Variants in CADPS observed in about 807,000 individuals in gnomAD.
The protein encoded by CADPS is calcium dependent secretion activator.
In CADPS, 57 loss-of-function variants were observed where a neutral mutation model predicts 167.3. That is an observed-to-expected ratio of 0.34 (90% CI 0.28 to 0.42). The LOEUF (loss-of-function observed/expected upper bound fraction) is 0.42. Among genes scored for constraint, CADPS ranks in the 20% least tolerant of loss-of-function variants. CADPS has a pLI of 1.00. For synonymous variants in CADPS, 676 were observed against 635.3 expected, an observed-to-expected ratio of 1.06 and a Z score of -0.96; for missense variants, 1,414 against 1,738.1, an observed-to-expected ratio of 0.81 and a Z score of 3.32.
At chr3:62,825,243 G>A (rs961911595) in intron 1 of CADPS, among the ~76,000 whole-genome samples, 5 of 152,102 alleles carry the variant, frequency 3.3e-5, no homozygotes, top group Non-Finnish European at 5.9e-5. Context: ...AGGGGAACTA[G>A]CTTCCCTTGG....
intron 3 of CADPS, among the ~76,000 whole-genome samples, chr3:62,743,286 G>A (rs1257017554): frequency 6.6e-6 from 1 of 152,082 alleles, no homozygotes; most frequent in Non-Finnish European, 1.5e-5. Flanking sequence ...AGTCAAATAC[G>A]CCAGCTGCCT....
chr3:62,859,131 T>C (rs1023709646), intron 1 of CADPS, among the ~76,000 whole-genome samples: 8 of 152,136 alleles, frequency 5.3e-5, no homozygotes, highest in Non-Finnish European at 8.8e-5. Context: ...ATGTTCTGCA[T>C]CACAAATCTC....
intron 2 of CADPS, among the ~76,000 whole-genome samples, chr3:62,760,512 C>A (rs1005204396): frequency 7.9e-5 from 12 of 152,120 alleles, no homozygotes; most frequent in African/African-American, 2.7e-4. Context: ...TCCTCAGCCT[C>A]ATAAAGTACT....
intron 17 of CADPS, among the ~76,000 whole-genome samples, chr3:62,511,158 G>A (rs1435144879): frequency 6.6e-6 from 1 of 152,120 alleles, no homozygotes; most frequent in Non-Finnish European, 1.5e-5. Flanking sequence ...TGCATGCCAA[G>A]GTTGGCATGA....
chr3:62,432,840 T>G (rs146408076), intron 28 of CADPS, among the ~76,000 whole-genome samples: 1 of 152,282 alleles, frequency 6.6e-6, no homozygotes, highest in East Asian at 1.9e-4. Flanking sequence ...CACTGCACAG[T>G]AAGTCCCATT....
chr3:62,645,679 C>T (rs1414690004), intron 6 of CADPS, 43 bp downstream of exon 6: 10 of 1,607,816 alleles, frequency 6.2e-6, no homozygotes, highest in Non-Finnish European at 8.5e-6. Context: ...GAACTAATGG[C>T]AGCAACCCTC....
chr3:62,583,194 C>T (rs916121031), intron 8 of CADPS, among the ~76,000 whole-genome samples: 6 of 93,964 alleles, frequency 6.4e-5, no homozygotes, highest in African/African-American at 1.8e-4. Context: ...TCTCTTTCTA[C>T]GTCTGTTCTG....
chr3:62,532,068 C>T (rs1020434563), intron 13 of CADPS, among the ~76,000 whole-genome samples: 1 of 152,174 alleles, frequency 6.6e-6, no homozygotes, highest in Non-Finnish European at 1.5e-5. Flanking sequence ...ATCATCTTTG[C>T]CTTCCAGCTT....
At chr3:62,483,762 CTCTTAG>C (rs2062380348) in intron 21 of CADPS, among the ~76,000 whole-genome samples, 2 of 152,212 alleles carry the variant, frequency 1.3e-5, no homozygotes, top group East Asian at 3.9e-4. Context: ...TCCCTGGTGG[CTCTTAG>C]TCTTAAACAC....
chr3:62,863,912 G>T (rs1453155120), intron 1 of CADPS, among the ~76,000 whole-genome samples: 1 of 152,174 alleles, frequency 6.6e-6, no homozygotes, highest in East Asian at 1.9e-4. Context: ...TGGATGAGAA[G>T]AAAAATTGTA....
intron 1 of CADPS, among the ~76,000 whole-genome samples, chr3:62,797,430 C>T (rs1170763963): frequency 6.6e-6 from 1 of 152,134 alleles, no homozygotes; most frequent in Non-Finnish European, 1.5e-5. Flanking sequence ...TCAACTCTCA[C>T]TCCACTTCAT....
At chr3:62,532,751 A>T in intron 13 of CADPS, 120 bp downstream of exon 13, 1 of 605,120 alleles carries the variant, frequency 1.7e-6, no homozygotes, top group South Asian at 1.9e-5. Flanking sequence ...GTGTGTGTGT[A>T]CGTGTGCACA....
chr3:62,626,293 T>G, intron 6 of CADPS: 1 of 446,822 alleles, frequency 2.2e-6, no homozygotes, highest in Non-Finnish European at 4.0e-6. Flanking sequence ...TTCAACAACA[T>G]TACTAATTCC....
chr3:62,569,917 A>G (rs2080980538), intron 9 of CADPS, among the ~76,000 whole-genome samples: 3 of 152,222 alleles, frequency 2.0e-5, no homozygotes, highest in African/African-American at 7.2e-5. Flanking sequence ...TCCCCTACCA[A>G]AAAGATGGGG....
At position 62,585,377 on chromosome 3, in the gene CADPS, T is replaced by C. The variant is rs923036416; in HGVS notation, c.1438-53A>G. On this transcript the variant is annotated intron_variant, in intron 7 of 29. Coordinates refer to ENST00000383710, the MANE Select transcript of CADPS (RefSeq NM_003716.4). Reference sequence around the variant, plus strand: ...GAAAAGAGAAGCACCATTATGTTTTTATAGATTAGAAACTTTGATTCTGAG... The same window carrying C: ...GAAAAGAGAAGCACCATTATGTTTTCATAGATTAGAAACTTTGATTCTGAG... The C allele has an allele frequency of 1.0e-5, 16 of 1,563,940 alleles. No individual in the cohort carries two copies. The South Asian group carries it at 1.5e-4, about 15-fold the overall frequency.
At chr3:62,592,851 A>G (rs1273123929) in intron 6 of CADPS, 103 bp from the exon 7 acceptor site, 1 of 713,934 alleles carries the variant, frequency 1.4e-6, no homozygotes, top group Non-Finnish European at 2.3e-6. Flanking sequence ...AACCCAAGGC[A>G]GCATTAGCTG....
chr3:62,557,287 C>A lies in CADPS; in HGVS notation c.1753+118G>T, dbSNP rs2078329286. On this transcript the variant is annotated intron_variant, in intron 10 of 29. Coordinates refer to ENST00000383710, the MANE Select transcript of CADPS (RefSeq NM_003716.4). ...GTGACTGTCATGCACACAGCTGAAA[C>A]CCTTAGTGAATTGACTTAGTGCCTA... 9.5e-6 allele frequency: 7 copies of A among 736,054 alleles called. No individual in the cohort carries two copies. In the Admixed American group the frequency reaches 1.3e-4, roughly 14 times the overall value. 45.6% of individuals were successfully genotyped at this position (736,054 alleles called of 1,614,324 possible).
At position 62,446,513 on chromosome 3, in the gene CADPS, C is replaced by T. The variant is rs1344091898; in HGVS notation, c.3637-716G>A. ...ACTCTACCACTTACAAGCTGTGTGA[C>T]CTTGGGCAAGTTGCTTCATCTCTCT... On this transcript the variant is annotated intron_variant, in intron 26 of 29. Coordinates refer to ENST00000383710, the MANE Select transcript of CADPS (RefSeq NM_003716.4). The surrounding 1 kb of genome is among the most constrained non-coding windows in gnomAD (Gnocchi z 4.9). 6.6e-6 allele frequency among the ~76,000 whole-genome samples: 1 copy of T among 152,136 alleles called. No individual in the cohort carries two copies. Among genetic ancestry groups the T allele is most frequent in the Admixed American group, 6.5e-5 (1 of 15,278 alleles).
chr3:62,781,056 T>C (rs1022808122), intron 1 of CADPS, among the ~76,000 whole-genome samples: 2 of 152,208 alleles, frequency 1.3e-5, no homozygotes, highest in Non-Finnish European at 2.9e-5. Context: ...CTTCATTATC[T>C]GTGATTCTGT....
Sources: allele counts gnomAD v4.1 joint callset (sites outside exome capture counted in the v4.1 genomes callset), GRCh38; gene constraint gnomAD v4.1.1; non-coding constraint Gnocchi (gnomAD v3.1); transcripts MANE v1.5; gene names NCBI Gene and HGNC (gene_info 2026-07-23, HGNC 2026-07-21).